The following CHCHD6 variants were observed in gnomAD, a reference collection of about 807,000 sequenced individuals.
CHCHD6 encodes the protein MICOS complex subunit MIC25.
Under a neutral mutation model 32.3 loss-of-function variants are expected in CHCHD6, and 28 were observed. That is an observed-to-expected ratio of 0.87 (90% CI 0.64 to 1.19). CHCHD6 has a LOEUF of 1.19. Ranked by LOEUF, CHCHD6 falls within the 50% of genes most tolerant of loss-of-function variation. The pLI, the probability that CHCHD6 is intolerant of heterozygous loss-of-function variation, is 0.00. For synonymous variants in CHCHD6, 122 were observed against 117.5 expected, an observed-to-expected ratio of 1.04 and a Z score of -0.25; for missense variants, 333 against 307.0, an observed-to-expected ratio of 1.08 and a Z score of -0.63.
At chr3:126,756,109 G>C (rs1936948120) in intron 4 of CHCHD6, among the ~76,000 whole-genome samples, 1 of 152,080 alleles carries the variant, frequency 6.6e-6, no homozygotes, top group Non-Finnish European at 1.5e-5. Context: ...GAGCCTGATG[G>C]ACATTGCAGC....
At chr3:126,877,037 T>G (rs1175238874) in intron 5 of CHCHD6, among the ~76,000 whole-genome samples, 2 of 152,106 alleles carry the variant, frequency 1.3e-5, no homozygotes, top group Non-Finnish European at 2.9e-5. Flanking sequence ...TAACAACCAC[T>G]AATTGAGATT....
intron 4 of CHCHD6, among the ~76,000 whole-genome samples, chr3:126,779,405 C>T (rs570219893): frequency 5.0e-4 from 76 of 152,056 alleles, no homozygotes; most frequent in Admixed American, 1.8e-3. Context: ...GGCATGGTGG[C>T]GCGTGCCTGT....
intron 5 of CHCHD6, among the ~76,000 whole-genome samples, chr3:126,905,959 G>A (rs551601258): frequency 6.6e-6 from 1 of 152,264 alleles, no homozygotes; most frequent in East Asian, 1.9e-4. Context: ...TCTGGAAGGA[G>A]AATGACTGGC....
In CHCHD6 at chr3:126,819,257, G is replaced by A. The variant is rs143483179; in HGVS notation, c.412-33390G>A. ...GGCCTGAATTCTGACAGCCACCCAG[G>A]AGTGCACAGCCGCTGTTCTCTGAGC... On this transcript the variant is annotated intron_variant, in intron 4 of 7. Transcript: ENST00000290913. Among the ~76,000 whole-genome samples, 478 of 152,298 alleles carry A rather than the reference G, an allele frequency of 3.1e-3. 3 individuals are homozygous for A. The highest frequency in any genetic ancestry group is 0.011 in the African/African-American group (459 of 41,556).
intron 4 of CHCHD6, among the ~76,000 whole-genome samples, chr3:126,770,787 C>G (rs1937528929): frequency 6.6e-6 from 1 of 152,166 alleles, no homozygotes; most frequent in Non-Finnish European, 1.5e-5. Context: ...CTGAAGCTTT[C>G]TCTTTTTGTT....
At chr3:126,793,981 A>G (rs1318869651) in intron 4 of CHCHD6, among the ~76,000 whole-genome samples, 1 of 152,118 alleles carries the variant, frequency 6.6e-6, no homozygotes, top group Non-Finnish European at 1.5e-5. Flanking sequence ...TTTCTCCCAT[A>G]GGTAATGTGT....
At chr3:126,820,394 C>G (rs754216294) in intron 4 of CHCHD6, among the ~76,000 whole-genome samples, 1 of 152,164 alleles carries the variant, frequency 6.6e-6, no homozygotes. Flanking sequence ...TCATTACTCT[C>G]CAAAGAGAAC....
chr3:126,828,108 C>T (rs1483949269), intron 4 of CHCHD6, among the ~76,000 whole-genome samples: 1 of 152,166 alleles, frequency 6.6e-6, no homozygotes, highest in African/African-American at 2.4e-5. Flanking sequence ...TCCTTCCCAC[C>T]ATGACGATTG....
chr3:126,728,222 G>T (rs549832103), intron 2 of CHCHD6, among the ~76,000 whole-genome samples: 11 of 152,190 alleles, frequency 7.2e-5, no homozygotes, highest in Non-Finnish European at 1.3e-4. Flanking sequence ...TGATAGGTGG[G>T]CAGGGACCCT....
intron 5 of CHCHD6, among the ~76,000 whole-genome samples, chr3:126,883,348 A>G (rs557343341): frequency 6.6e-6 from 1 of 152,190 alleles, no homozygotes; most frequent in South Asian, 2.1e-4. Context: ...AGGTGGGGCA[A>G]TTTTAGGGAC....
At chr3:126,938,604 G>A (rs1305359036) in intron 6 of CHCHD6, among the ~76,000 whole-genome samples, 1 of 152,180 alleles carries the variant, frequency 6.6e-6, no homozygotes, top group African/African-American at 2.4e-5. Flanking sequence ...TGCCAATAAG[G>A]TTTTAAAATG....
chr3:126,758,558 T>C (rs1937051640), intron 4 of CHCHD6, among the ~76,000 whole-genome samples: 1 of 152,242 alleles, frequency 6.6e-6, no homozygotes, highest in African/African-American at 2.4e-5. Context: ...ATGTGGGATC[T>C]CACTAAGCGG....
At chr3:126,911,193 A>G (rs1016902168) in intron 5 of CHCHD6, among the ~76,000 whole-genome samples, 3 of 152,082 alleles carry the variant, frequency 2.0e-5, no homozygotes, top group African/African-American at 7.2e-5. Flanking sequence ...CCCCATTGTA[A>G]TTATGATGCC....
chr3:126,739,659 C>T (rs1304035025), intron 4 of CHCHD6, among the ~76,000 whole-genome samples: 1 of 152,202 alleles, frequency 6.6e-6, no homozygotes, highest in Non-Finnish European at 1.5e-5. Context: ...GGAGACAGCC[C>T]AGTGGGCTGT....
rs181899299 is a variant in CHCHD6 at position 126,925,857 on chromosome 3, A to G, written c.566+11107A>G. Among the ~76,000 whole-genome samples, 46 of 152,258 alleles carry G rather than the reference A, an allele frequency of 3.0e-4. No individual in the cohort carries two copies. The East Asian group carries it at 8.5e-3, about 28-fold the overall frequency. ...TTCCCCCTTATTTTTTTAAATCATC[A>G]TTTCTCCTTAAAGACAGGATTAAAT... On this transcript the variant is annotated intron_variant, in intron 6 of 7. Coordinates refer to ENST00000290913, the MANE Select transcript of CHCHD6 (RefSeq NM_032343.3).
At chr3:126,789,901 T>TG (rs200159819) in intron 4 of CHCHD6, among the ~76,000 whole-genome samples, 53,561 of 151,888 alleles carry the variant, frequency 0.35, 11,573 homozygotes, top group African/African-American at 0.61. Context: ...CGTTAGTTGA[T>TG]GCAGTTTCTT....
intron 4 of CHCHD6, among the ~76,000 whole-genome samples, chr3:126,793,805 C>G (rs1375297374): frequency 6.6e-6 from 1 of 152,124 alleles, no homozygotes. Context: ...CAGATAGATT[C>G]CTTTCATTTT....
chr3:126,823,019 C>T (rs1428456654), intron 4 of CHCHD6, among the ~76,000 whole-genome samples: 1 of 152,138 alleles, frequency 6.6e-6, no homozygotes, highest in Non-Finnish European at 1.5e-5. Flanking sequence ...AGTCCTCCCA[C>T]ATCAGCCTCT....
At chr3:126,906,474 C>G (rs1182257479) in intron 5 of CHCHD6, among the ~76,000 whole-genome samples, 1 of 152,248 alleles carries the variant, frequency 6.6e-6, no homozygotes, top group Admixed American at 6.5e-5. Flanking sequence ...CTCCCTGCAT[C>G]TGTGCCTCGT....
Sources: gnomAD v4.1 joint callset for allele counts (sites outside exome capture counted in the v4.1 genomes callset) on GRCh38, gnomAD v4.1.1 for gene constraint, MANE v1.5 for transcripts, NCBI Gene and HGNC (gene_info 2026-07-23, HGNC 2026-07-21) for gene names.